Variants in C8orf58 observed in about 807,000 individuals in gnomAD.
The protein encoded by C8orf58 is uncharacterized protein C8orf58.
C8orf58 carries 31 observed loss-of-function variants against 36.8 expected under a neutral mutation model. The ratio of observed to expected loss-of-function variants is 0.84; its 90% confidence interval spans 0.63 to 1.14. The LOEUF (loss-of-function observed/expected upper bound fraction) is 1.14, where lower values mean the gene tolerates loss of function less well. C8orf58 is among the 50% of genes most tolerant of loss of function. The probability of loss-of-function intolerance (pLI) is 0.00; values close to 1 mark genes in which losing one functional copy is unlikely to be tolerated. For missense variants in C8orf58, 538 were observed against 480.8 expected (o/e 1.12, Z -1.11); for synonymous variants, 230 against 200.2 (o/e 1.15, Z -1.26).
At position 22,603,218 on chromosome 8, in the gene C8orf58, A is replaced by G; in HGVS notation, c.1010A>G (p.Glu337Gly). Reference sequence around the variant, plus strand: ...AGGATCGAGTCCAGGGACCTCCCTGAAAGGCCTCAGTGCCGCCCCCACCGG... The same window carrying G: ...AGGATCGAGTCCAGGGACCTCCCTGGAAGGCCTCAGTGCCGCCCCCACCGG... ...DPRIESRDLP[E>G]RPQCRPHRKT... The change falls in exon 7 of 7, where the codon GAA (glutamate) becomes GGA (glycine). Residue 337 changes from glutamate to glycine, a missense_variant. By Grantham distance (98) the Glu-to-Gly change is moderately conservative. Coordinates refer to ENST00000289989, the MANE Select transcript of C8orf58 (RefSeq NM_001013842.3). 2 of 1,613,652 alleles carry G rather than the reference A, an allele frequency of 1.2e-6. No individual in the cohort carries two copies. The highest frequency in any genetic ancestry group is 1.7e-6 in the Non-Finnish European group (2 of 1,179,714).
intron 1 of C8orf58, 77 bp downstream of exon 1, chr8:22,599,837 C>A (rs916963668): frequency 3.0e-6 from 2 of 658,378 alleles, no homozygotes; most frequent in Non-Finnish European, 2.1e-6. Flanking sequence ...CGGGCACCCT[C>A]TCTCAGTTTC....
At position 22,602,638 on chromosome 8, in the gene C8orf58, C is replaced by T. The variant is rs1042320596; in HGVS notation, c.981C>T (p.Asp327=). ...PEPPAPPDGS[D]PRIESRDLPE... is the part of the protein sequence containing the mutation. ...CCCCTGCCCCTCCTGATGGCTCTGA[C>T]CCCAGGTGAGCCCCGTGCCCAGCCC... is the stretch of plus-strand genomic sequence containing the variant. The change falls in exon 6 of 7, where the codon GAC becomes GAT. Residue 327 remains aspartate (D), a synonymous_variant. Transcript: ENST00000289989. 3.9e-6 allele frequency: 6 copies of T among 1,538,930 alleles called. No individual in the cohort carries two copies. Among genetic ancestry groups the T allele is most frequent in the Admixed American group, 1.9e-5 (1 of 52,030 alleles).
At position 22,603,664 on chromosome 8, in the gene C8orf58, C is replaced by G. The variant is rs760961656; in HGVS notation, c.*358C>G. The G allele has an allele frequency of 4.4e-5, 16 of 359,764 alleles. No homozygotes were observed. The highest frequency in any genetic ancestry group is 1.9e-4 in the African/African-American group (9 of 47,440). The allele number at this position is 359,764 out of a possible 1,614,324, so 22.3% of individuals were successfully genotyped here. ...TTTATGCGCAATGGTATGCATATCT[C>G]TGTGTGACTGTCAGTGTTGCAAGCT... On this transcript the variant is annotated 3_prime_UTR_variant, in exon 7 of 7. Transcript: ENST00000289989.
chr8:22,601,884 A>G, intron 3 of C8orf58, 32 bp downstream of exon 3: 2 of 1,577,646 alleles, frequency 1.3e-6, no homozygotes, highest in South Asian at 1.1e-5. Flanking sequence ...GAGGGAGAGG[A>G]CAGATGGGAC....
chr8:22,600,390 C>T (rs904568319), intron 1 of C8orf58: 4 of 161,252 alleles, frequency 2.5e-5, no homozygotes, highest in African/African-American at 4.8e-5. Flanking sequence ...ATCACTCTCC[C>T]GGTGAGCTGC....
In C8orf58 at chr8:22,599,693, T is replaced by TGCGGCCGG. The variant is rs1800794230; in HGVS notation, c.-27_-26insCGGCCGGG. Reference sequence around the variant, plus strand: ...GGCCGGGATCCTCGGGCGGCTGCATTGGCCGGGGCCGGGGCCGGGAGCGGG... The same window carrying TGCGGCCGG: ...GGCCGGGATCCTCGGGCGGCTGCATTGCGGCCGGGGCCGGGGCCGGGGCCGGGAGCGGG... On this transcript the variant is annotated 5_prime_UTR_variant, in exon 1 of 7. Transcript: ENST00000289989. 5.1e-6 allele frequency: 6 copies of TGCGGCCGG among 1,188,002 alleles called. No homozygotes were observed. In the African/African-American group the frequency reaches 8.1e-5, roughly 16 times the overall value. 73.6% of individuals were successfully genotyped at this position (1,188,002 alleles called of 1,614,324 possible).
intron 4 of C8orf58, 37 bp from the exon 5 acceptor site, chr8:22,602,163 T>G: frequency 6.4e-7 from 1 of 1,564,308 alleles, no homozygotes; most frequent in Non-Finnish European, 8.7e-7. Flanking sequence ...TGATGGGGTG[T>G]CTTCTGGCCC....
chr8:22,599,850 GC>G, intron 1 of C8orf58, 90 bp downstream of exon 1: 1 of 570,520 alleles, frequency 1.8e-6, no homozygotes, highest in Non-Finnish European at 2.6e-6. Flanking sequence ...TCAGTTTCTT[GC>G]CCAGCCCCGC....
intron 5 of C8orf58, 88 bp from the exon 6 acceptor site, chr8:22,602,449 C>A: frequency 7.3e-7 from 1 of 1,365,220 alleles, no homozygotes; most frequent in Non-Finnish European, 1.0e-6. Context: ...GGCGACTTGT[C>A]CTGGCTGTGG....
In C8orf58 at chr8:22,603,188, T is replaced by G; in HGVS notation, c.987-7T>G. On this transcript the variant is annotated splice_polypyrimidine_tract_variant and splice_region_variant and intron_variant, in intron 6 of 6. Coordinates refer to ENST00000289989, the MANE Select transcript of C8orf58 (RefSeq NM_001013842.3). ...TTCTAGCCTAATGTCTTCTTTTCAT[T>G]CCACAGGATCGAGTCCAGGGACCTC... is the stretch of plus-strand genomic sequence containing the variant. 1 of 1,600,338 alleles carries G rather than the reference T, an allele frequency of 6.2e-7. No individual in the cohort carries two copies. Among genetic ancestry groups the G allele is most frequent in the Non-Finnish European group, 8.6e-7 (1 of 1,167,800 alleles).
rs909199007 is a variant in C8orf58, at chr8:22,600,946, G to A, written c.105G>A (p.Arg35=). 1.2e-6 allele frequency: 2 copies of A among 1,612,450 alleles called. No homozygotes were observed. Among genetic ancestry groups the A allele is most frequent in the Non-Finnish European group, 8.5e-7 (1 of 1,179,988 alleles). ...CTGGAGTCACCAGCACCTACAGACG[G>A]ATCCCCGACGCTGCCCACGGGTGCT... is the stretch of plus-strand genomic sequence containing the variant. ...IVPGVTSTYR[R]IPDAAHGCSS... Residue 35 remains arginine, a synonymous_variant, in exon 2 of 7, where the codon CGG becomes CGA. Transcript: ENST00000289989.
rs1182498238 is a variant in C8orf58 at position 22,601,151 on chromosome 8, C to T, written c.310C>T (p.Gln104Ter). 1 of 1,610,844 alleles carries T rather than the reference C, an allele frequency of 6.2e-7. No homozygotes were observed. The highest frequency in any genetic ancestry group is 8.5e-7 in the Non-Finnish European group (1 of 1,179,406). Residue 104 changes from glutamine to a stop codon, truncating the protein, a stop_gained, in exon 2 of 7, where the codon CAG becomes TAG. Transcript: ENST00000289989. LOFTEE classifies it high-confidence loss of function. The stretch of plus-strand genomic sequence containing the variant: ...CTCAGGGAGTTCTGAGCCCCCCGCC[C>T]AGGTAGGCCGACTCCTGGCCAGCCA... ...ESSGSSEPPAQVGRLLASQKL... is the reference protein window; with the variant it reads ...ESSGSSEPPA
In C8orf58 at chr8:22,603,429, CTT is replaced by C. The variant is rs1563896060; in HGVS notation, c.*124_*125del. ...AAGCTGCTGACGCCTGCCCTCCTCT[CTT>C]GAGTCGAGGGCTGAATCTTTCTCCT... On this transcript the variant is annotated 3_prime_UTR_variant, in exon 7 of 7. Transcript: ENST00000289989. The C allele has an allele frequency of 7.5e-5, 56 of 749,154 alleles. 1 individual carries two copies. The East Asian group carries it at 1.4e-3, about 19-fold the overall frequency. 46.4% of individuals were successfully genotyped at this position (749,154 alleles called of 1,614,324 possible).
Position 22,601,290 on chromosome 8 carries a change from T to C in C8orf58, c.449T>C (p.Leu150Pro), listed in dbSNP as rs962072556. Residue 150 changes from leucine (L) to proline (P), a missense_variant, in exon 2 of 7, where the codon CTT (leucine) becomes CCT (proline). Leu to Pro is a moderately conservative substitution (Grantham distance 98). Coordinates refer to ENST00000289989, the MANE Select transcript of C8orf58 (RefSeq NM_001013842.3). Reference sequence around the variant, plus strand: ...AGCAAGCCTGAGCGTGAAGTGCCCCTTGGAGCAGGGCAACAGGAGTCCATG... The same window carrying C: ...AGCAAGCCTGAGCGTGAAGTGCCCCCTGGAGCAGGGCAACAGGAGTCCATG... ...LASKPEREVP[L>P]GAGQQESMEA... 1 of 1,608,754 alleles carries C rather than the reference T, an allele frequency of 6.2e-7. No homozygotes were observed. Among genetic ancestry groups the C allele is most frequent in the Admixed American group, 1.7e-5 (1 of 59,830 alleles).
Position 22,599,672 on chromosome 8 carries a change from G to C in C8orf58, c.-49G>C, listed in dbSNP as rs934376071. ...CCCGAGCTCCGCGGGGACTCGGGCC[G>C]GGATCCTCGGGCGGCTGCATTGGCC... On this transcript the variant is annotated 5_prime_UTR_variant, in exon 1 of 7. Transcript: ENST00000289989. 7.5e-5 allele frequency: 81 copies of C among 1,086,904 alleles called. No homozygotes were observed. The highest frequency in any genetic ancestry group is 9.1e-5 in the Non-Finnish European group (79 of 864,832). 67.3% of individuals were successfully genotyped at this position (1,086,904 alleles called of 1,614,324 possible).
chr8:22,602,795 C>G, intron 6 of C8orf58, 152 bp downstream of exon 6: 1 of 603,558 alleles, frequency 1.7e-6, no homozygotes. Context: ...TTAAAACACC[C>G]CATTTACAGA....
Position 22,601,048 on chromosome 8 carries a change from A to C in C8orf58, c.207A>C (p.Ser69=), listed in dbSNP as rs766192741. The change falls in exon 2 of 7, where the codon TCA becomes TCC. Residue 69 remains serine (S), a synonymous_variant. Transcript: ENST00000289989. ...ALFLKLASRD[S]GVEMAVGDSP... is the part of the protein sequence containing the mutation. ...TTCTCAAACTGGCCTCCCGGGACTC[A>C]GGAGTGGAGATGGCAGTTGGGGACA... The C allele has an allele frequency of 1.2e-6, 2 of 1,612,848 alleles. No individual in the cohort carries two copies. Among genetic ancestry groups the C allele is most frequent in the Non-Finnish European group, 1.7e-6 (2 of 1,180,014 alleles).
At position 22,601,211 on chromosome 8, in the gene C8orf58, C is replaced by T. The variant is rs376060539; in HGVS notation, c.370C>T (p.Leu124Phe). 6.2e-7 allele frequency: 1 copy of T among 1,609,230 alleles called. No individual in the cohort carries two copies. The stretch of plus-strand genomic sequence containing the variant: ...GGAGGTGTTGGAGCGGTCCCGCCGG[C>T]TCCCAACAGCTCCCACCAGCTTGTC... ...LGEVLERSRR[L>F]PTAPTSLSGQ... is the part of the protein sequence containing the mutation. The change falls in exon 2 of 7, where the codon CTC (leucine) becomes TTC (phenylalanine). Residue 124 changes from leucine (L) to phenylalanine (F), a missense_variant. Coordinates refer to ENST00000289989, the MANE Select transcript of C8orf58 (RefSeq NM_001013842.3).
rs1198587067 is a variant in C8orf58 at position 22,603,514 on chromosome 8, C to T, written c.*208C>T. 1.5e-5 allele frequency: 9 copies of T among 610,270 alleles called. No individual in the cohort carries two copies. The East Asian group carries it at 2.3e-4, about 16-fold the overall frequency. The allele number at this position is 610,270 out of a possible 1,614,324, so 37.8% of individuals were successfully genotyped here. A position where few individuals can be genotyped will look rare whatever the true frequency, so the allele number is the denominator to read the frequency against. ...GAGAGGCCCCCAAGATGCCGCAGCT[C>T]CAGGGCTCTTCCTCCTCACCAGAAA... On this transcript the variant is annotated 3_prime_UTR_variant, in exon 7 of 7. Transcript: ENST00000289989.
Sources: gnomAD v4.1 joint callset for allele counts on GRCh38, gnomAD v4.1.1 for gene constraint, MANE v1.5 for transcripts, NCBI Gene and HGNC (gene_info 2026-07-23, HGNC 2026-07-21) for gene names.